DIS3L2: variants seen among roughly 807,000 people sequenced by gnomAD.
DIS3L2 encodes DIS3-like exonuclease 2.
A neutral mutation model predicts 97.5 loss-of-function variants in DIS3L2; 34 were observed. That is an observed-to-expected ratio of 0.35 (90% CI 0.27 to 0.46). The LOEUF (loss-of-function observed/expected upper bound fraction) is 0.46. Among genes scored for constraint, DIS3L2 ranks in the 20% least tolerant of loss-of-function variants. The pLI, the probability that DIS3L2 is intolerant of heterozygous loss-of-function variation, is 1.00. For missense variants in DIS3L2, 1,038 were observed against 1,146.0 expected, an observed-to-expected ratio of 0.91 and a Z score of 1.36; for synonymous variants, 435 against 445.2, an observed-to-expected ratio of 0.98 and a Z score of 0.29.
At chr2:232,208,068 C>T (rs1279518545) in intron 9 of DIS3L2, among the ~76,000 whole-genome samples, 3 of 152,162 alleles carry the variant, frequency 2.0e-5, no homozygotes, top group African/African-American at 7.2e-5. Flanking sequence ...TTGAAAGTCA[C>T]ATGAATTTTT....
intron 8 of DIS3L2, among the ~76,000 whole-genome samples, chr2:232,148,421 T>G (rs1690285634): frequency 6.6e-6 from 1 of 152,136 alleles, no homozygotes; most frequent in African/African-American, 2.4e-5. Context: ...TGTTAGATTT[T>G]TATCTGCCAT....
intron 7 of DIS3L2, among the ~76,000 whole-genome samples, chr2:232,135,946 G>GGA (rs889333936): frequency 3.3e-5 from 5 of 152,162 alleles, no homozygotes; most frequent in African/African-American, 1.2e-4. Flanking sequence ...TGTATGTGGT[G>GGA]GAGTGGTGGC....
At chr2:232,019,944 CTCTGTGAGATGA>C (rs1269059266) in intron 3 of DIS3L2, among the ~76,000 whole-genome samples, 6 of 151,296 alleles carry the variant, frequency 4.0e-5, no homozygotes, top group Non-Finnish European at 7.4e-5. Flanking sequence ...TAGGGAAAGC[CTCTGTGAGATGA>C]TCTGTGGGTT....
rs1342991684 is a variant in DIS3L2 at position 232,325,495 on chromosome 2, C to CCACCCCCTCCT, written c.1740-4317_1740-4307dup. On this transcript the variant is annotated intron_variant, in intron 14 of 20. Coordinates refer to ENST00000325385, the MANE Select transcript of DIS3L2 (RefSeq NM_152383.5). The surrounding 1 kb of genome is among the most constrained non-coding windows in gnomAD (Gnocchi z 4.6). ...GCCTCATACCTGAGCCTCCCCCTCC[C>CCACCCCCTCCT]CACCCCCTCCTGCCCCAGGGAGGCC... is the stretch of plus-strand genomic sequence containing the variant. Among the ~76,000 whole-genome samples, 1 of 152,172 alleles carries CCACCCCCTCCT rather than the reference C, an allele frequency of 6.6e-6. No homozygotes were observed.
chr2:232,070,190 G>A (rs986093709), intron 5 of DIS3L2, among the ~76,000 whole-genome samples: 7 of 152,152 alleles, frequency 4.6e-5, no homozygotes, highest in South Asian at 2.1e-4. Context: ...AAATTCTTTC[G>A]TAGGGGCGGA....
chr2:232,297,772 G>T (rs905790312), intron 13 of DIS3L2, among the ~76,000 whole-genome samples: 1 of 151,208 alleles, frequency 6.6e-6, no homozygotes, highest in Non-Finnish European at 1.5e-5. Context: ...GCAAAATCTG[G>T]GCTCACTGCA....
At chr2:232,171,039 A>G (rs1449931132) in intron 9 of DIS3L2, among the ~76,000 whole-genome samples, 1 of 152,216 alleles carries the variant, frequency 6.6e-6, no homozygotes. Context: ...CTGGTAAGAC[A>G]GTGTGGTAGC....
intron 9 of DIS3L2, among the ~76,000 whole-genome samples, chr2:232,165,216 CA>C (rs1690769142): frequency 6.6e-6 from 1 of 152,024 alleles, no homozygotes; most frequent in Non-Finnish European, 1.5e-5. Flanking sequence ...TGCAGCTCTG[CA>C]AAAAGGAGCT....
chr2:232,004,045 C>T (rs1395634570), intron 1 of DIS3L2, among the ~76,000 whole-genome samples: 2 of 151,906 alleles, frequency 1.3e-5, no homozygotes, highest in South Asian at 2.1e-4. Flanking sequence ...GGGACCTGTT[C>T]TCTTCTTCTG....
intron 1 of DIS3L2, among the ~76,000 whole-genome samples, chr2:232,012,554 G>A (rs1236396563): frequency 2.0e-5 from 3 of 152,152 alleles, no homozygotes; most frequent in Non-Finnish European, 2.9e-5. Flanking sequence ...CAAGGCTGCC[G>A]CGTTTGTTTT....
At chr2:232,189,608 A>G (rs892522231) in intron 9 of DIS3L2, among the ~76,000 whole-genome samples, 5 of 152,204 alleles carry the variant, frequency 3.3e-5, no homozygotes, top group African/African-American at 9.7e-5. Flanking sequence ...ATTGGGTGCA[A>G]TTGAGGGATC....
At position 232,276,166 on chromosome 2, in the gene DIS3L2, TAAG is replaced by T. The variant is rs1379817745; in HGVS notation, c.1659+12731_1659+12733del. 1.3e-5 allele frequency among the ~76,000 whole-genome samples: 2 copies of T among 152,188 alleles called. No homozygotes were observed. Among genetic ancestry groups the T allele is most frequent in the African/African-American group, 2.4e-5 (1 of 41,448 alleles). On this transcript the variant is annotated intron_variant, in intron 13 of 20. Transcript: ENST00000325385. The surrounding 1 kb of genome is among the most constrained non-coding windows in gnomAD (Gnocchi z 4.4). Reference sequence around the variant, plus strand: ...AGCATGAGGCTGGTAGCCTCCTAAATAAGAAGATGTGCTAATGAATAGCAGAGT... The same window carrying T: ...AGCATGAGGCTGGTAGCCTCCTAAATAAGATGTGCTAATGAATAGCAGAGT...
intron 1 of DIS3L2, among the ~76,000 whole-genome samples, chr2:231,974,094 T>TAA (rs538183822): frequency 6.6e-6 from 1 of 152,324 alleles, no homozygotes; most frequent in South Asian, 2.1e-4. Flanking sequence ...GCAAAGATGT[T>TAA]ACTTTTCATT....
intron 6 of DIS3L2, among the ~76,000 whole-genome samples, chr2:232,112,090 A>G (rs1697552081): frequency 6.6e-6 from 1 of 152,222 alleles, no homozygotes; most frequent in Non-Finnish European, 1.5e-5. Flanking sequence ...GATAGACTTC[A>G]TGTTTTATAT....
chr2:232,167,797 C>T lies in DIS3L2; in HGVS notation c.1124+4165C>T, dbSNP rs2106167927. Among the ~76,000 whole-genome samples, 2 of 152,310 alleles carry T rather than the reference C, an allele frequency of 1.3e-5. 1 individual carries two copies. The highest frequency in any genetic ancestry group is 4.1e-4 in the South Asian group (2 of 4,830). ...AGGCACATTGGCTCACACCTGTAAT[C>T]CCAGCACTTTGGGAGGCCAAGGTGG... On this transcript the variant is annotated intron_variant, in intron 9 of 20. Coordinates refer to ENST00000325385, the MANE Select transcript of DIS3L2 (RefSeq NM_152383.5).
chr2:232,155,518 G>T (rs1472109817), intron 8 of DIS3L2, among the ~76,000 whole-genome samples: 1 of 152,148 alleles, frequency 6.6e-6, no homozygotes, highest in Non-Finnish European at 1.5e-5. Context: ...AACTCCACTA[G>T]AATATATTTC....
At position 232,037,383 on chromosome 2, in the gene DIS3L2, C is replaced by G. The variant is rs1271222434; in HGVS notation, c.366+7303C>G. Among the ~76,000 whole-genome samples, 2 of 152,170 alleles carry G rather than the reference C, an allele frequency of 1.3e-5. No individual in the cohort carries two copies. Among genetic ancestry groups the G allele is most frequent in the African/African-American group, 4.8e-5 (2 of 41,450 alleles). On this transcript the variant is annotated intron_variant, in intron 5 of 20. Transcript: ENST00000325385. This position sits in a 1 kb window ranked among gnomAD's most constrained non-coding sequence, Gnocchi z 4.6. Reference sequence around the variant, plus strand: ...AGCCTCCGTAATGGCAGACGCCCCTCCCCACCAAGCTCAAGTGTCCCAGGT... The same window carrying G: ...AGCCTCCGTAATGGCAGACGCCCCTGCCCACCAAGCTCAAGTGTCCCAGGT...
chr2:232,035,450 C>G (rs1357590121), intron 5 of DIS3L2, among the ~76,000 whole-genome samples: 1 of 152,176 alleles, frequency 6.6e-6, no homozygotes, highest in Non-Finnish European at 1.5e-5. Flanking sequence ...GACTCTTTAT[C>G]CAATTTGCCA....
At chr2:232,280,153 T>C (rs1242504161) in intron 13 of DIS3L2, among the ~76,000 whole-genome samples, 1 of 152,230 alleles carries the variant, frequency 6.6e-6, no homozygotes, top group Non-Finnish European at 1.5e-5. Flanking sequence ...TAAAACATAT[T>C]GCCCAGGCCT....
Sources: allele counts gnomAD v4.1 joint callset (sites outside exome capture counted in the v4.1 genomes callset), GRCh38; gene constraint gnomAD v4.1.1; non-coding constraint Gnocchi (gnomAD v3.1); transcripts MANE v1.5; gene names NCBI Gene and HGNC (gene_info 2026-07-23, HGNC 2026-07-21).